The following ACTR3C variants were observed in gnomAD, a reference collection of about 807,000 sequenced individuals.
ACTR3C encodes the protein actin-related protein 3C.
In ACTR3C, 18 loss-of-function variants were observed where a neutral mutation model predicts 26.3. The ratio of observed to expected loss-of-function variants is 0.68; its 90% confidence interval spans 0.47 to 1.01. The LOEUF is 1.01. Among genes scored for constraint, ACTR3C ranks in the 50% least tolerant of loss-of-function variants. ACTR3C has a pLI of 0.00. For missense variants in ACTR3C, 184 were observed against 250.7 expected (o/e 0.73, Z 1.80); for synonymous variants, 55 against 94.5 (o/e 0.58, Z 2.42).
At chr7:149,967,951 G>A in the ACTR3C span, among the ~76,000 whole-genome samples, 1 of 152,200 alleles carries the variant, frequency 6.6e-6, no homozygotes, top group African/African-American at 2.4e-5. Flanking sequence ...ACAAGGTAGA[G>A]AAGATGCAAA....
chr7:149,994,260 G>A, the ACTR3C span, among the ~76,000 whole-genome samples: 967 of 152,304 alleles, frequency 6.3e-3, 8 homozygotes, highest in African/African-American at 0.022. Flanking sequence ...AGTGGCCATC[G>A]AAGGGGCAAG....
At chr7:149,995,157 A>G in the ACTR3C span, among the ~76,000 whole-genome samples, 1 of 152,232 alleles carries the variant, frequency 6.6e-6, no homozygotes, top group Non-Finnish European at 1.5e-5. Context: ...GCCCAGCCCA[A>G]CACTCTTTAT....
chr7:150,102,038 C>T, the ACTR3C span, among the ~76,000 whole-genome samples: 1 of 151,658 alleles, frequency 6.6e-6, no homozygotes, highest in Non-Finnish European at 1.5e-5. Context: ...ATAGTGTAAT[C>T]ACTTCCCATC....
At chr7:150,254,678 T>C (rs1278996919) in intron 6 of ACTR3C, among the ~76,000 whole-genome samples, 3 of 152,140 alleles carry the variant, frequency 2.0e-5, no homozygotes, top group Non-Finnish European at 2.9e-5. Context: ...GTTACATTTC[T>C]TCCTCACTAC....
the ACTR3C span, among the ~76,000 whole-genome samples, chr7:150,169,120 A>G: frequency 1.3e-3 from 202 of 150,360 alleles, 1 homozygote; most frequent in East Asian, 5.4e-3. Flanking sequence ...GGTGGCTCAC[A>G]CCTGTAATCC....
At chr7:150,323,427 C>T (rs1430603826) in intron 1 of ACTR3C, 42 bp downstream of exon 1, 6 of 341,488 alleles carry the variant, frequency 1.8e-5, no homozygotes, top group Non-Finnish European at 3.3e-5. Context: ...GCCCAGGGGT[C>T]AGGGGCCGCC....
the ACTR3C span, among the ~76,000 whole-genome samples, chr7:149,965,916 G>A: frequency 6.6e-6 from 1 of 152,220 alleles, no homozygotes; most frequent in Admixed American, 6.5e-5. Flanking sequence ...GTAAAGGTGT[G>A]TGCCTGAGTT....
chr7:150,124,269 T>C, the ACTR3C span, among the ~76,000 whole-genome samples: 2 of 152,258 alleles, frequency 1.3e-5, no homozygotes, highest in Admixed American at 1.3e-4. Context: ...TTACTGTTTT[T>C]AGCAAAATAC....
chr7:150,171,537 G>T, the ACTR3C span, among the ~76,000 whole-genome samples: 44 of 149,190 alleles, frequency 2.9e-4, 5 homozygotes, highest in African/African-American at 9.8e-4. Context: ...ATAGAGCACA[G>T]GTTTCAAATC....
the ACTR3C span, chr7:150,047,533 C>T: frequency 6.2e-6 from 3 of 484,386 alleles, no homozygotes; most frequent in Non-Finnish European, 8.1e-6. Context: ...CCCACAGATG[C>T]CCCCGGCCGA....
At chr7:150,202,227 G>T in the ACTR3C span, among the ~76,000 whole-genome samples, 1 of 152,138 alleles carries the variant, frequency 6.6e-6, no homozygotes, top group Non-Finnish European at 1.5e-5. Flanking sequence ...TGTGGCTTGT[G>T]ACATGGATGG....
chr7:150,184,196 G>A, the ACTR3C span, among the ~76,000 whole-genome samples: 5 of 150,606 alleles, frequency 3.3e-5, no homozygotes, highest in South Asian at 2.1e-4. Context: ...TAAAGGTCTC[G>A]TCAGTTTCCC....
At chr7:149,893,214 T>C in the ACTR3C span, among the ~76,000 whole-genome samples, 1 of 152,146 alleles carries the variant, frequency 6.6e-6, no homozygotes, top group African/African-American at 2.4e-5. Context: ...CACCATCTCC[T>C]CACTTGAGGG....
At chr7:150,293,094 C>T (rs1836417223) in intron 3 of ACTR3C, among the ~76,000 whole-genome samples, 1 of 151,792 alleles carries the variant, frequency 6.6e-6, no homozygotes, top group Admixed American at 6.6e-5. Flanking sequence ...GCCAAAGCCA[C>T]AATAATTGGC....
the ACTR3C span, among the ~76,000 whole-genome samples, chr7:149,937,870 C>T: frequency 0.011 from 1,650 of 152,274 alleles, 19 homozygotes; most frequent in Non-Finnish European, 0.014. Flanking sequence ...CCTCCAGTAA[C>T]ACACGAGATG....
At chr7:150,165,226 C>T in the ACTR3C span, among the ~76,000 whole-genome samples, 1 of 152,090 alleles carries the variant, frequency 6.6e-6, no homozygotes, top group African/African-American at 2.4e-5. Flanking sequence ...TTTGACTTTC[C>T]AAAGTTTGCT....
the ACTR3C span, among the ~76,000 whole-genome samples, chr7:150,190,542 G>A: frequency 3.3e-5 from 5 of 152,020 alleles, no homozygotes; most frequent in Admixed American, 3.3e-4. Flanking sequence ...TATTTCTATG[G>A]GTGGGCATTT....
chr7:149,908,798 T>TG, the ACTR3C span, among the ~76,000 whole-genome samples: 1 of 151,786 alleles, frequency 6.6e-6, no homozygotes, highest in Non-Finnish European at 1.5e-5. Context: ...TTTTTTTTTT[T>TG]GAGACGGAGT....
the ACTR3C span, among the ~76,000 whole-genome samples, chr7:149,995,842 A>G: frequency 6.6e-6 from 1 of 152,240 alleles, no homozygotes; most frequent in Non-Finnish European, 1.5e-5. Context: ...GGTCACGGGG[A>G]GGTGAGCCTC....
Sources: gnomAD v4.1 joint callset for allele counts (sites outside exome capture counted in the v4.1 genomes callset) on GRCh38, gnomAD v4.1.1 for gene constraint, MANE v1.5 for transcripts, NCBI Gene and HGNC (gene_info 2026-07-23, HGNC 2026-07-21) for gene names.